Variants in MKKS observed in about 807,000 individuals in gnomAD.
MKKS encodes MKKS centrosomal shuttling protein.
A neutral mutation model predicts 33.2 loss-of-function variants in MKKS; 29 were observed. The observed-to-expected ratio is 0.87, with a 90% CI of 0.65 to 1.19. MKKS has a LOEUF of 1.19. Ranked by LOEUF, MKKS falls within the 50% of genes most tolerant of loss-of-function variation. The probability of loss-of-function intolerance (pLI) is 0.00; values close to 1 mark genes in which losing one functional copy is unlikely to be tolerated. For synonymous variants in MKKS, 260 were observed against 244.0 expected (o/e 1.07, Z -0.61); for missense variants, 661 against 662.3 (o/e 1.00, Z 0.02).
chr20:10,433,712 C>A (rs1299422392), intron 1 of MKKS, among the ~76,000 whole-genome samples: 1 of 152,136 alleles, frequency 6.6e-6, no homozygotes, highest in Non-Finnish European at 1.5e-5. Context: ...CTCCCGACAG[C>A]CTGGGGTACA....
chr20:10,417,161 G>C (rs1020707528), intron 2 of MKKS, among the ~76,000 whole-genome samples: 3 of 149,224 alleles, frequency 2.0e-5, no homozygotes, highest in African/African-American at 7.4e-5. Flanking sequence ...TGAAGCAGGA[G>C]AATCACTTCA....
Position 10,405,506 on chromosome 20 carries a change from G to A in MKKS, c.1454C>T (p.Pro485Leu), listed in dbSNP as rs139509933. The A allele has an allele frequency of 1.1e-5, 17 of 1,614,060 alleles. No homozygotes were observed. The African/African-American group carries it at 1.7e-4, about 16-fold the overall frequency. The change falls in exon 6 of 6, where the codon CCC becomes CTC. Residue 485 changes from proline to leucine, a missense_variant. By Grantham distance (98) the Pro-to-Leu change is moderately conservative. Coordinates refer to ENST00000347364, the MANE Select transcript of MKKS (RefSeq NM_170784.3). Reference protein sequence around the residue: ...GHLWSVQADSPCVANWPDLLS... With the variant: ...GHLWSVQADSLCVANWPDLLS... ...CAAATCTGGCCAGTTAGCAACACAG[G>A]GAGAATCTGCCTGAACTGACCAAAG... is the stretch of plus-strand genomic sequence containing the variant.
chr20:10,429,616 C>A (rs2065040258), intron 1 of MKKS, among the ~76,000 whole-genome samples: 1 of 152,192 alleles, frequency 6.6e-6, no homozygotes, highest in African/African-American at 2.4e-5. Context: ...ATCTACTAAG[C>A]CATTCAATTC....
At chr20:10,421,518 A>T (rs2064980562) in intron 1 of MKKS, among the ~76,000 whole-genome samples, 1 of 152,158 alleles carries the variant, frequency 6.6e-6, no homozygotes, top group African/African-American at 2.4e-5. Context: ...ATATTCTGAC[A>T]GGATGTAGTG....
chr20:10,411,934 C>T (rs539018575), intron 3 of MKKS, among the ~76,000 whole-genome samples: 2 of 152,270 alleles, frequency 1.3e-5, no homozygotes, highest in African/African-American at 2.4e-5. Flanking sequence ...AAATATATTT[C>T]GGTCAATTCA....
chr20:10,428,838 C>T (rs3827971), intron 1 of MKKS, among the ~76,000 whole-genome samples: 60,407 of 126,538 alleles, frequency 0.48, 12,325 homozygotes, highest in Admixed American at 0.51. Context: ...AGCAAGACTC[C>T]GTCTCAATAA....
chr20:10,417,199 C>T (rs1008126960), intron 2 of MKKS, among the ~76,000 whole-genome samples: 4 of 148,880 alleles, frequency 2.7e-5, no homozygotes, highest in African/African-American at 7.5e-5. Flanking sequence ...TGCAGTGAGC[C>T]GACATCACCC....
In MKKS at chr20:10,402,869, C is replaced by T. The variant is rs1249423270; in HGVS notation, c.*2378G>A. On this transcript the variant is annotated 3_prime_UTR_variant, in exon 6 of 6. Coordinates refer to ENST00000347364, the MANE Select transcript of MKKS (RefSeq NM_170784.3). ...ATAATTTATTACAAATAAGCTTTTC[C>T]TCCTGCCTTTATTAGATAGCTATTG... 6.6e-6 allele frequency: 1 copy of T among 152,166 alleles called. No individual in the cohort carries two copies. Among genetic ancestry groups the T allele is most frequent in the African/African-American group, 2.4e-5 (1 of 41,432 alleles). The allele number at this position is 152,166 out of a possible 1,614,324, so 9.4% of individuals were successfully genotyped here. A position where few individuals can be genotyped will look rare whatever the true frequency, so the allele number is the denominator to read the frequency against.
chr20:10,408,594 C>T, intron 4 of MKKS, 34 bp downstream of exon 4: 1 of 1,606,352 alleles, frequency 6.2e-7, no homozygotes, highest in East Asian at 2.2e-5. Flanking sequence ...CCTCCCTCAG[C>T]CTCTGCATAT....
intron 2 of MKKS, among the ~76,000 whole-genome samples, chr20:10,417,553 G>A (rs558320263): frequency 1.3e-5 from 2 of 152,322 alleles, no homozygotes; most frequent in Admixed American, 1.3e-4. Flanking sequence ...TGAGGCTGCA[G>A]TGAGCTATGA....
Position 10,430,093 on chromosome 20 carries a change from T to C in MKKS, c.-649+4015A>G, listed in dbSNP as rs1256465212. On this transcript the variant is annotated intron_variant, in intron 1 of 5. Coordinates refer to ENST00000347364, the MANE Select transcript of MKKS (RefSeq NM_170784.3). ...TGTATTCCTGCTTTGCTTAAAAGCC[T>C]TTAGTGACATTTTTGACTAGAGTGA... Among the ~76,000 whole-genome samples, 9 of 152,248 alleles carry C rather than the reference T, an allele frequency of 5.9e-5. No individual in the cohort carries two copies. The South Asian group carries it at 6.2e-4, about 11-fold the overall frequency.
chr20:10,412,803 C>A lies in MKKS; in HGVS notation c.712G>T (p.Ala238Ser), dbSNP rs1021008148. Residue 238 changes from alanine to serine, a missense_variant, in exon 3 of 6, where the codon GCC becomes TCC. Ala to Ser is a moderately conservative substitution (Grantham distance 99). Coordinates refer to ENST00000347364, the MANE Select transcript of MKKS (RefSeq NM_170784.3). ...MRLLPIKKST[A>S]LKVALFCTTL... Reference sequence around the variant, plus strand: ...GTACAAAAGAGTGCCACCTTGAGGGCAGTTGATTTTTTGATAGGTAATAGC... The same window carrying A: ...GTACAAAAGAGTGCCACCTTGAGGGAAGTTGATTTTTTGATAGGTAATAGC... 1 of 1,614,174 alleles carries A rather than the reference C, an allele frequency of 6.2e-7. No individual in the cohort carries two copies. The highest frequency in any genetic ancestry group is 2.2e-5 in the East Asian group (1 of 44,892).
intron 1 of MKKS, among the ~76,000 whole-genome samples, chr20:10,426,974 A>T (rs983013880): frequency 6.6e-6 from 1 of 150,848 alleles, no homozygotes; most frequent in African/African-American, 2.4e-5. Flanking sequence ...CTTCTACCTC[A>T]TTATAAATAC....
chr20:10,407,650 G>C lies in MKKS; in HGVS notation c.1238C>G (p.Thr413Ser), dbSNP rs1407355889. 1 of 1,613,996 alleles carries C rather than the reference G, an allele frequency of 6.2e-7. No homozygotes were observed. Among genetic ancestry groups the C allele is most frequent in the African/African-American group, 1.3e-5 (1 of 75,026 alleles). Residue 413 changes from threonine to serine, a missense_variant, in exon 5 of 6, where the codon ACT (threonine) becomes AGT (serine). Coordinates refer to ENST00000347364, the MANE Select transcript of MKKS (RefSeq NM_170784.3). ...EPWALLGGGC[T>S]ETHLAAYIRH... ...GATATATGCAGCCAAATGAGTTTCA[G>C]TACAGCCACCTCCCAACAAAGCCCA...
intron 3 of MKKS, among the ~76,000 whole-genome samples, chr20:10,412,002 A>C (rs150050457): frequency 1.1e-4 from 17 of 152,344 alleles, no homozygotes; most frequent in African/African-American, 3.8e-4. Context: ...TGAAAGTAAA[A>C]GATGATCTTG....
chr20:10,412,229 G>A (rs1283328054), intron 3 of MKKS, among the ~76,000 whole-genome samples: 1 of 152,192 alleles, frequency 6.6e-6, no homozygotes, highest in African/African-American at 2.4e-5. Context: ...TTTGTGTAAA[G>A]TATGAAAGAC....
At chr20:10,422,713 CT>C (rs59532941) in intron 1 of MKKS, among the ~76,000 whole-genome samples, 6,049 of 143,314 alleles carry the variant, frequency 0.042, 333 homozygotes, top group African/African-American at 0.14. Flanking sequence ...GTTATATTAT[CT>C]TTTTTTTTTT....
At chr20:10,407,820 G>T in intron 4 of MKKS, 94 bp from the exon 5 acceptor site, 1 of 955,102 alleles carries the variant, frequency 1.0e-6, no homozygotes, top group African/African-American at 1.6e-5. Flanking sequence ...AATACAGAGA[G>T]TGTGATTTTA....
At chr20:10,408,447 T>G (rs529066388) in intron 4 of MKKS, among the ~76,000 whole-genome samples, 181 bp downstream of exon 4, 42 of 152,366 alleles carry the variant, frequency 2.8e-4, no homozygotes, top group Admixed American at 1.3e-3. Flanking sequence ...TGGCAACACA[T>G]GCCAAATTTA....
Sources: allele counts gnomAD v4.1 joint callset (sites outside exome capture counted in the v4.1 genomes callset), GRCh38; gene constraint gnomAD v4.1.1; transcripts MANE v1.5; gene names NCBI Gene and HGNC (gene_info 2026-07-23, HGNC 2026-07-21).